GATA6: variants seen among roughly 807,000 people sequenced by gnomAD.
GATA6 encodes transcription factor GATA-6.
GATA6 carries 11 observed loss-of-function variants against 48.1 expected under a neutral mutation model. The observed-to-expected ratio is 0.23, with a 90% confidence interval of 0.14 to 0.38. The LOEUF (loss-of-function observed/expected upper bound fraction) is 0.38. Among genes scored for constraint, GATA6 ranks in the 10% least tolerant of loss-of-function variants. The probability of loss-of-function intolerance (pLI) is 1.00; values close to 1 mark genes in which losing one functional copy is unlikely to be tolerated. For synonymous variants in GATA6, 419 were observed against 396.1 expected, an observed-to-expected ratio of 1.06 and a Z score of -0.69; for missense variants, 795 against 850.3, an observed-to-expected ratio of 0.93 and a Z score of 0.81.
chr18:22,193,614 G>A (rs1358421452), intron 6 of GATA6, among the ~76,000 whole-genome samples: 2 of 152,188 alleles, frequency 1.3e-5, no homozygotes, highest in African/African-American at 4.8e-5. Context: ...CAGAGGCTGG[G>A]GGAGCCGACA....
At chr18:22,181,260 T>C (rs1598737420) in intron 3 of GATA6, among the ~76,000 whole-genome samples, 193 bp from the exon 4 acceptor site, 2 of 152,196 alleles carry the variant, frequency 1.3e-5, no homozygotes, top group South Asian at 2.1e-4. Context: ...CAGCATACTA[T>C]GCAAACCTCA....
At chr18:22,199,099 T>C (rs2033425309) in intron 6 of GATA6, among the ~76,000 whole-genome samples, 2 of 152,180 alleles carry the variant, frequency 1.3e-5, no homozygotes, top group Admixed American at 1.3e-4. Flanking sequence ...TCGCCTGAAG[T>C]CCTGCCTCCC....
At chr18:22,181,208 G>A (rs746716194) in intron 3 of GATA6, among the ~76,000 whole-genome samples, 1 of 152,082 alleles carries the variant, frequency 6.6e-6, no homozygotes, top group African/African-American at 2.4e-5. Context: ...TTGAATTCAC[G>A]GAGACAGGCT....
At position 22,182,945 on chromosome 18, in the gene GATA6, A is replaced by G; in HGVS notation, c.1522A>G (p.Ser508Gly). 6.2e-7 allele frequency: 1 copy of G among 1,613,268 alleles called. No homozygotes were observed. Among genetic ancestry groups the G allele is most frequent in the Non-Finnish European group, 8.5e-7 (1 of 1,179,174 alleles). ...INKSKTCSGNSNNSIPMTPTS... is the reference protein window; with the variant it reads ...INKSKTCSGNGNNSIPMTPTS... ...GTTTATTTTGACTGTTGCAGGTAAT[A>G]GCAATAATTCCATTCCCATGACTCC... The change falls in exon 6 of 7, where the codon AGC (serine) becomes GGC (glycine). Residue 508 changes from serine (S) to glycine (G), a missense_variant. Transcript: ENST00000269216.
At position 22,171,141 on chromosome 18, in the gene GATA6, G is replaced by T. The variant is rs1555628685; in HGVS notation, c.-4G>T. 2 of 1,599,764 alleles carry T rather than the reference G, an allele frequency of 1.3e-6. No homozygotes were observed. Among genetic ancestry groups the T allele is most frequent in the South Asian group, 1.1e-5 (1 of 90,878 alleles). Reference sequence around the variant, plus strand: ...CGTCAGCTTGGAGCGGCGCCGGACCGTGGATGGCCTTGACTGACGGCGGCT... The same window carrying T: ...CGTCAGCTTGGAGCGGCGCCGGACCTTGGATGGCCTTGACTGACGGCGGCT... On this transcript the variant is annotated 5_prime_UTR_variant, in exon 2 of 7. Coordinates refer to ENST00000269216, the MANE Select transcript of GATA6 (RefSeq NM_005257.6). The surrounding 1 kb of genome is among the most constrained non-coding windows in gnomAD (Gnocchi z 7.1).
chr18:22,186,676 G>T (rs957663021), intron 6 of GATA6, among the ~76,000 whole-genome samples: 2 of 152,296 alleles, frequency 1.3e-5, no homozygotes, highest in African/African-American at 2.4e-5. Flanking sequence ...GGGCTCCAGG[G>T]CTCCCCTCCC....
chr18:22,182,448 C>G (rs888259084), intron 4 of GATA6, among the ~76,000 whole-genome samples: 1 of 151,800 alleles, frequency 6.6e-6, no homozygotes, highest in African/African-American at 2.4e-5. Context: ...ACCTCCACCT[C>G]CTGGGTTCAA....
chr18:22,170,824 G>T lies in GATA6; in HGVS notation c.-37-284G>T. 1 of 466,444 alleles carries T rather than the reference G, an allele frequency of 2.1e-6. No individual in the cohort carries two copies. Among genetic ancestry groups the T allele is most frequent in the Non-Finnish European group, 3.9e-6 (1 of 259,282 alleles). 28.9% of individuals were successfully genotyped at this position (466,444 alleles called of 1,614,324 possible). Reference sequence around the variant, plus strand: ...GCACGGAGAAAGGATGCGGCCGAGGGGGTGGGCGGGGAGGACGCGGGGACC... The same window carrying T: ...GCACGGAGAAAGGATGCGGCCGAGGTGGTGGGCGGGGAGGACGCGGGGACC... On this transcript the variant is annotated intron_variant, in intron 1 of 6. Transcript: ENST00000269216. The surrounding 1 kb of genome is among the most constrained non-coding windows in gnomAD (Gnocchi z 6.7).
Position 22,177,957 on chromosome 18 carries a change from T to G in GATA6, c.1302+836T>G, listed in dbSNP as rs201479585. 2.6e-3 allele frequency among the ~76,000 whole-genome samples: 345 copies of G among 132,050 alleles called. 2 individuals carry two copies. The highest frequency in any genetic ancestry group is 0.016 in the East Asian group (73 of 4,618). The allele number at this position is 132,050 out of a possible 152,430, so 86.6% of individuals were successfully genotyped here. On this transcript the variant is annotated intron_variant, in intron 3 of 6. Coordinates refer to ENST00000269216, the MANE Select transcript of GATA6 (RefSeq NM_005257.6). ...ACACGTTTTACTGTTTTTTTGTTTT[T>G]TTTTTTTTTTTTTTTTTTTTTGAGA...
At chr18:22,175,317 A>G (rs959942239) in intron 2 of GATA6, 6 of 152,170 alleles carry the variant, frequency 3.9e-5, no homozygotes, top group African/African-American at 1.2e-4. Flanking sequence ...TCAGATGACT[A>G]AATAGTTCTA....
At position 22,200,935 on chromosome 18, in the gene GATA6, C is replaced by A; in HGVS notation, c.*112C>A. The stretch of plus-strand genomic sequence containing the variant: ...GACTGCGCTGACAGAACGTGATTCT[C>A]GTGCCTTTATTTTGAAAGAGATGTT... On this transcript the variant is annotated 3_prime_UTR_variant, in exon 7 of 7. Coordinates refer to ENST00000269216, the MANE Select transcript of GATA6 (RefSeq NM_005257.6). 1 of 1,142,010 alleles carries A rather than the reference C, an allele frequency of 8.8e-7. No individual in the cohort carries two copies. The highest frequency in any genetic ancestry group is 1.5e-5 in the South Asian group (1 of 68,300). 70.7% of individuals were successfully genotyped at this position (1,142,010 alleles called of 1,614,324 possible). A position where few individuals can be genotyped will look rare whatever the true frequency, so the allele number is the denominator to read the frequency against.
Position 22,176,195 on chromosome 18 carries a change from A to G in GATA6, c.1136-760A>G, listed in dbSNP as rs556628246. ...GTCTTGGTAATTTTCTCAATCAGTA[A>G]GGTATCAACCTTTTATAAAAATTTT... On this transcript the variant is annotated intron_variant, in intron 2 of 6. Transcript: ENST00000269216. Among the ~76,000 whole-genome samples, 21 of 152,334 alleles carry G rather than the reference A, an allele frequency of 1.4e-4. No homozygotes were observed. In the East Asian group the frequency reaches 3.9e-3, roughly 28 times the overall value.
intron 3 of GATA6, among the ~76,000 whole-genome samples, chr18:22,177,696 C>T (rs2033141052): frequency 6.6e-6 from 1 of 152,146 alleles, no homozygotes; most frequent in Non-Finnish European, 1.5e-5. Flanking sequence ...CACCCACTCA[C>T]GCCTCCTCAC....
Position 22,171,142 on chromosome 18 carries a change from T to C in GATA6, c.-3T>C, listed in dbSNP as rs1251060211. ...GTCAGCTTGGAGCGGCGCCGGACCG[T>C]GGATGGCCTTGACTGACGGCGGCTG... On this transcript the variant is annotated 5_prime_UTR_variant, in exon 2 of 7. Transcript: ENST00000269216. The surrounding 1 kb of genome is among the most constrained non-coding windows in gnomAD (Gnocchi z 7.1). 5 of 1,599,778 alleles carry C rather than the reference T, an allele frequency of 3.1e-6. No individual in the cohort carries two copies. Among genetic ancestry groups the C allele is most frequent in the Non-Finnish European group, 4.2e-6 (5 of 1,179,476 alleles).
intron 6 of GATA6, among the ~76,000 whole-genome samples, chr18:22,196,129 A>T (rs554577517): frequency 6.6e-6 from 1 of 152,212 alleles, no homozygotes; most frequent in Non-Finnish European, 1.5e-5. Flanking sequence ...GCAGTATTTC[A>T]TGTTTAAATA....
chr18:22,180,919 T>C (rs892837306), intron 3 of GATA6, among the ~76,000 whole-genome samples: 1 of 151,736 alleles, frequency 6.6e-6, no homozygotes, highest in Non-Finnish European at 1.5e-5. Context: ...GTGACTATAG[T>C]GCACGGCCAA....
intron 6 of GATA6, among the ~76,000 whole-genome samples, chr18:22,194,939 G>A (rs2033372127): frequency 6.6e-6 from 1 of 152,162 alleles, no homozygotes; most frequent in Non-Finnish European, 1.5e-5. Context: ...GTCGAGGCAG[G>A]CGGATCACTT....
Position 22,183,108 on chromosome 18 carries a change from T to G in GATA6, c.1620+65T>G, listed in dbSNP as rs113220139. 8 of 1,265,036 alleles carry G rather than the reference T, an allele frequency of 6.3e-6. No homozygotes were observed. The Admixed American group carries it at 8.7e-5, about 14-fold the overall frequency. 78.4% of individuals were successfully genotyped at this position (1,265,036 alleles called of 1,614,324 possible). ...TGCTCTCTAGTAAATTATCTCAAAT[T>G]TTATCTTATCTGGTAGTACAATAAT... On this transcript the variant is annotated intron_variant, in intron 6 of 6. Coordinates refer to ENST00000269216, the MANE Select transcript of GATA6 (RefSeq NM_005257.6).
intron 2 of GATA6, 110 bp from the exon 3 acceptor site, chr18:22,176,845 C>A (rs2033126834): frequency 3.1e-6 from 4 of 1,288,044 alleles, no homozygotes; most frequent in Non-Finnish European, 4.1e-6. Flanking sequence ...GGGAAGGGCA[C>A]GGGCAGGGAA....
Sources: allele counts gnomAD v4.1 joint callset (sites outside exome capture counted in the v4.1 genomes callset), GRCh38; gene constraint gnomAD v4.1.1; non-coding constraint Gnocchi (gnomAD v3.1); transcripts MANE v1.5; gene names NCBI Gene and HGNC (gene_info 2026-07-23, HGNC 2026-07-21).